Variants in SLC25A13 observed in about 807,000 individuals in gnomAD.
SLC25A13 encodes solute carrier family 25 member 13.
Under a neutral mutation model 85.5 loss-of-function variants are expected in SLC25A13, and 70 were observed. The ratio of observed to expected loss-of-function variants is 0.82; its 90% CI spans 0.68 to 1.00. The LOEUF is 1.00. Ranked by LOEUF, SLC25A13 falls within the 50% of genes least tolerant of loss-of-function variation. The pLI is 0.00. For synonymous variants in SLC25A13, 259 were observed against 288.7 expected (o/e 0.90, Z 1.04); for missense variants, 765 against 819.8 (o/e 0.93, Z 0.82).
intron 4 of SLC25A13, among the ~76,000 whole-genome samples, chr7:96,227,763 A>T (rs1383874205): frequency 6.6e-6 from 1 of 152,250 alleles, no homozygotes; most frequent in Non-Finnish European, 1.5e-5. Flanking sequence ...ATGCAAAAAT[A>T]TAACAAATTC....
intron 4 of SLC25A13, among the ~76,000 whole-genome samples, chr7:96,231,383 C>T (rs1796533300): frequency 6.6e-6 from 1 of 152,092 alleles, no homozygotes; most frequent in Non-Finnish European, 1.5e-5. Context: ...TATCCAGCAA[C>T]TAACTATAAG....
chr7:96,129,098 TC>T (rs1298080092), intron 15 of SLC25A13, among the ~76,000 whole-genome samples: 1 of 152,068 alleles, frequency 6.6e-6, no homozygotes, highest in Non-Finnish European at 1.5e-5. Context: ...CATTGAGCCA[TC>T]TTGAAAGTGG....
At chr7:96,232,620 TA>T (rs891480919) in intron 4 of SLC25A13, among the ~76,000 whole-genome samples, 35 of 122,812 alleles carry the variant, frequency 2.8e-4, no homozygotes, top group African/African-American at 9.2e-4. Flanking sequence ...AAAAAAATTT[TA>T]AAAAAAAGGG....
chr7:96,168,229 T>C (rs1272413986), intron 13 of SLC25A13, among the ~76,000 whole-genome samples: 3 of 151,084 alleles, frequency 2.0e-5, no homozygotes, highest in African/African-American at 4.9e-5. Context: ...ACCTACAGGA[T>C]TGCTTAACTG....
intron 11 of SLC25A13, among the ~76,000 whole-genome samples, chr7:96,174,055 T>C (rs886549570): frequency 1.3e-5 from 2 of 152,086 alleles, no homozygotes; most frequent in Non-Finnish European, 1.5e-5. Flanking sequence ...GGTGGACAGA[T>C]GAGAATGTGG....
At chr7:96,192,380 T>C (rs1794888663) in intron 6 of SLC25A13, among the ~76,000 whole-genome samples, 1 of 152,186 alleles carries the variant, frequency 6.6e-6, no homozygotes, top group African/African-American at 2.4e-5. Context: ...CGCCTATAGA[T>C]GGTGTATGAT....
chr7:96,213,822 A>G (rs1795789185), intron 4 of SLC25A13, among the ~76,000 whole-genome samples: 1 of 152,220 alleles, frequency 6.6e-6, no homozygotes, highest in Non-Finnish European at 1.5e-5. Context: ...ACTAATTAGC[A>G]TTAAAATGTG....
chr7:96,140,753 GT>G (rs61262981), intron 14 of SLC25A13, among the ~76,000 whole-genome samples: 215 of 125,164 alleles, frequency 1.7e-3, no homozygotes, highest in East Asian at 3.1e-3. Flanking sequence ...CTTATCTTTT[GT>G]TTTTTTTTTT....
intron 3 of SLC25A13, 78 bp downstream of exon 3, chr7:96,277,118 T>A: frequency 7.0e-7 from 1 of 1,425,826 alleles, no homozygotes. Flanking sequence ...ATACATTTAA[T>A]GACTTCCTGG....
At chr7:96,312,399 C>T (rs1239012682) in intron 1 of SLC25A13, among the ~76,000 whole-genome samples, 2 of 152,052 alleles carry the variant, frequency 1.3e-5, no homozygotes, top group South Asian at 2.1e-4. Context: ...TAAACATATG[C>T]TAATATTATT....
chr7:96,185,466 G>C (rs1186309660), intron 9 of SLC25A13, among the ~76,000 whole-genome samples: 1 of 152,128 alleles, frequency 6.6e-6, no homozygotes, highest in Non-Finnish European at 1.5e-5. Context: ...CAGCATGGTG[G>C]CATGTGCCTG....
chr7:96,241,893 C>G (rs953838120), intron 3 of SLC25A13, among the ~76,000 whole-genome samples: 4 of 152,154 alleles, frequency 2.6e-5, no homozygotes, highest in African/African-American at 9.7e-5. Context: ...TCTCTGTCCT[C>G]GCTTATTCTC....
intron 14 of SLC25A13, among the ~76,000 whole-genome samples, chr7:96,141,771 T>C (rs966648616): frequency 2.6e-5 from 4 of 152,204 alleles, no homozygotes; most frequent in Non-Finnish European, 4.4e-5. Context: ...GAAGAATTAA[T>C]CTTATGAGTA....
At position 96,252,328 on chromosome 7, in the gene SLC25A13, G is replaced by T. The variant is rs913764511; in HGVS notation, c.213-17411C>A. On this transcript the variant is annotated intron_variant, in intron 3 of 17. Transcript: ENST00000265631. ...ATTTGAAGGGAGGTGTGAAAGAAAA[G>T]AAGGAAGCAAGGATGTCCCTAGAGT... Among the ~76,000 whole-genome samples the T allele has an allele frequency of 3.3e-5, 5 of 152,190 alleles. No individual in the cohort carries two copies. In the South Asian group the frequency reaches 1.0e-3, roughly 31 times the overall value.
chr7:96,304,381 T>G (rs1584598556), intron 1 of SLC25A13, among the ~76,000 whole-genome samples: 1 of 152,186 alleles, frequency 6.6e-6, no homozygotes, highest in East Asian at 1.9e-4. Context: ...TCAGAAGGAT[T>G]CAGTAGGTTG....
chr7:96,246,135 A>T (rs1250616645), intron 3 of SLC25A13, among the ~76,000 whole-genome samples: 2 of 152,232 alleles, frequency 1.3e-5, no homozygotes, highest in African/African-American at 4.8e-5. Context: ...CCTGCATGCA[A>T]GGGCACACAC....
intron 14 of SLC25A13, among the ~76,000 whole-genome samples, chr7:96,146,157 C>T (rs1290907207): frequency 1.3e-5 from 2 of 152,198 alleles, no homozygotes; most frequent in East Asian, 3.9e-4. Flanking sequence ...TAAGACAAGG[C>T]ATACATATAT....
intron 2 of SLC25A13, among the ~76,000 whole-genome samples, chr7:96,294,502 G>C (rs1020223935): frequency 6.6e-6 from 1 of 151,678 alleles, no homozygotes; most frequent in South Asian, 2.1e-4. Flanking sequence ...CCAGCTACTC[G>C]GGAGGCTGAG....
chr7:96,169,911 G>A, intron 13 of SLC25A13, 134 bp downstream of exon 13: 1 of 881,056 alleles, frequency 1.1e-6, no homozygotes, highest in Non-Finnish European at 1.9e-6. Context: ...GAAAAGCCGA[G>A]GTGCCCTAGT....
Sources: gnomAD v4.1 joint callset for allele counts (sites outside exome capture counted in the v4.1 genomes callset) on GRCh38, gnomAD v4.1.1 for gene constraint, MANE v1.5 for transcripts, NCBI Gene and HGNC (gene_info 2026-07-23, HGNC 2026-07-21) for gene names.